Variants in DLG2 observed in about 807,000 individuals in gnomAD.
DLG2 encodes discs large MAGUK scaffold protein 2, also known as disks large homolog 2.
In DLG2, 45 loss-of-function variants were observed where a neutral mutation model predicts 132.5. The observed-to-expected ratio is 0.34, with a 90% CI of 0.27 to 0.44. The LOEUF is 0.44. Among genes scored for constraint, DLG2 ranks in the 20% least tolerant of loss-of-function variants. The pLI is 1.00. For synonymous variants in DLG2, 424 were observed against 419.6 expected (o/e 1.01, Z -0.13); for missense variants, 1,045 against 1,196.9 (o/e 0.87, Z 1.87).
At chr11:83,718,610 T>C (rs183632714) in intron 18 of DLG2, among the ~76,000 whole-genome samples, 4 of 150,690 alleles carry the variant, frequency 2.7e-5, no homozygotes, top group Non-Finnish European at 5.9e-5. Context: ...TCTTGATGGC[T>C]GGAAGATTGA....
At chr11:84,242,272 C>A (rs777846722) in intron 8 of DLG2, among the ~76,000 whole-genome samples, 16 of 152,076 alleles carry the variant, frequency 1.1e-4, no homozygotes, top group Non-Finnish European at 1.9e-4. Context: ...AACAAACTGC[C>A]CTCTGCAAGG....
In DLG2 at chr11:83,459,337, T is replaced by C. The variant is rs2089465141; in HGVS notation, c.*481A>G. On this transcript the variant is annotated 3_prime_UTR_variant, in exon 28 of 28. Coordinates refer to ENST00000376104, the MANE Select transcript of DLG2 (RefSeq NM_001142699.3). Reference sequence around the variant, plus strand: ...ATCTCCAAAGGGATTCCTTTCTTTTTTCCTTCTTTCTTTCATTTGCTTGTT... The same window carrying C: ...ATCTCCAAAGGGATTCCTTTCTTTTCTCCTTCTTTCTTTCATTTGCTTGTT... 6.5e-6 allele frequency: 1 copy of C among 152,940 alleles called. No homozygotes were observed. 9.5% of individuals were successfully genotyped at this position (152,940 alleles called of 1,614,324 possible).
At chr11:84,557,116 C>T (rs745326648) in intron 6 of DLG2, among the ~76,000 whole-genome samples, 8 of 152,030 alleles carry the variant, frequency 5.3e-5, no homozygotes, top group Non-Finnish European at 1.2e-4. Flanking sequence ...GTCAACTTGG[C>T]TAAATTATAG....
At chr11:85,018,787 C>T (rs566516054) in intron 6 of DLG2, among the ~76,000 whole-genome samples, 36 of 143,918 alleles carry the variant, frequency 2.5e-4, no homozygotes, top group African/African-American at 9.2e-4. Flanking sequence ...GAAAACATGC[C>T]TTCTTTTTTT....
At chr11:83,745,622 T>C (rs2092847414) in intron 18 of DLG2, among the ~76,000 whole-genome samples, 1 of 151,870 alleles carries the variant, frequency 6.6e-6, no homozygotes, top group African/African-American at 2.4e-5. Context: ...GCCAATATGG[T>C]GAAACCCCGT....
intron 6 of DLG2, among the ~76,000 whole-genome samples, chr11:84,848,109 G>C (rs965835325): frequency 6.6e-6 from 1 of 152,110 alleles, no homozygotes; most frequent in Non-Finnish European, 1.5e-5. Context: ...ACTATTCCCG[G>C]AGAGCACAAC....
chr11:85,614,936 T>G (rs1352458975), intron 2 of DLG2, among the ~76,000 whole-genome samples: 2 of 152,248 alleles, frequency 1.3e-5, no homozygotes, highest in African/African-American at 4.8e-5. Flanking sequence ...TATGCCATAT[T>G]GAAACTTGAT....
chr11:85,413,419 C>A (rs1449413063), intron 3 of DLG2, among the ~76,000 whole-genome samples: 5 of 151,850 alleles, frequency 3.3e-5, no homozygotes, highest in Non-Finnish European at 7.4e-5. Context: ...TAAGCCCCAG[C>A]TATTTATCTT....
intron 7 of DLG2, among the ~76,000 whole-genome samples, chr11:84,482,778 C>T (rs576099546): frequency 1.3e-5 from 2 of 152,212 alleles, no homozygotes; most frequent in Admixed American, 1.3e-4. Context: ...GTTTGCTTCC[C>T]AAAGTTTATG....
intron 19 of DLG2, among the ~76,000 whole-genome samples, chr11:83,601,923 C>T (rs117334313): frequency 1.1e-4 from 17 of 152,204 alleles, no homozygotes; most frequent in Non-Finnish European, 2.4e-4. Flanking sequence ...GAGACCAGAA[C>T]GAACCCTGCT....
Position 84,711,719 on chromosome 11 carries a change from A to G in DLG2, c.358-176988T>C, listed in dbSNP as rs1451742191. Among the ~76,000 whole-genome samples the G allele has an allele frequency of 2.6e-5, 4 of 151,978 alleles. No homozygotes were observed. In the East Asian group the frequency reaches 7.8e-4, roughly 30 times the overall value. On this transcript the variant is annotated intron_variant, in intron 6 of 27. Transcript: ENST00000376104. ...GCTTTTTGTTCTATTCAGGTCTTCA[A>G]CTGGTTGGATGAGGCTCACCCACAT...
chr11:84,163,987 T>C (rs145736047), intron 8 of DLG2, among the ~76,000 whole-genome samples: 37 of 152,300 alleles, frequency 2.4e-4, no homozygotes, highest in African/African-American at 7.9e-4. Flanking sequence ...AGAAATACCT[T>C]TTCTTTAGTG....
chr11:83,542,001 C>CA, intron 19 of DLG2, 143 bp from the exon 20 acceptor site: 1 of 762,984 alleles, frequency 1.3e-6, no homozygotes, highest in Non-Finnish European at 2.0e-6. Flanking sequence ...GGATCACAGT[C>CA]CACACTCTCA....
At chr11:85,368,318 A>G (rs1000658555) in intron 3 of DLG2, among the ~76,000 whole-genome samples, 2 of 152,232 alleles carry the variant, frequency 1.3e-5, no homozygotes, top group African/African-American at 4.8e-5. Context: ...CTGCTTTAAG[A>G]AGACAAAGCC....
chr11:84,274,939 C>T (rs1325614522), intron 7 of DLG2, among the ~76,000 whole-genome samples: 1 of 152,210 alleles, frequency 6.6e-6, no homozygotes, highest in South Asian at 2.1e-4. Flanking sequence ...CCACATGCTT[C>T]TTCTCCATGC....
At chr11:83,842,523 CAAA>C (rs771360645) in intron 16 of DLG2, among the ~76,000 whole-genome samples, 2 of 70,286 alleles carry the variant, frequency 2.8e-5, no homozygotes, top group East Asian at 4.4e-4. Flanking sequence ...GAACCTGTCT[CAAA>C]AAAAAAAAAA....
chr11:84,548,970 G>T (rs2099396296), intron 6 of DLG2, among the ~76,000 whole-genome samples: 1 of 152,200 alleles, frequency 6.6e-6, no homozygotes, highest in African/African-American at 2.4e-5. Flanking sequence ...GGAATAAAAA[G>T]AATTAGAATA....
At chr11:84,595,436 A>T (rs2099554264) in intron 6 of DLG2, among the ~76,000 whole-genome samples, 1 of 151,768 alleles carries the variant, frequency 6.6e-6, no homozygotes, top group Non-Finnish European at 1.5e-5. Flanking sequence ...TTAATGAAAG[A>T]CTTAGTCATT....
chr11:83,484,629 T>TA (rs1317717588), intron 21 of DLG2, among the ~76,000 whole-genome samples: 2 of 152,140 alleles, frequency 1.3e-5, no homozygotes, highest in Non-Finnish European at 2.9e-5. Context: ...TAGCAGCTCT[T>TA]ACGTTGTGAG....
Sources: gnomAD v4.1 joint callset for allele counts (sites outside exome capture counted in the v4.1 genomes callset) on GRCh38, gnomAD v4.1.1 for gene constraint, MANE v1.5 for transcripts, NCBI Gene and HGNC (gene_info 2026-07-23, HGNC 2026-07-21) for gene names.